The following SAMD3 variants were observed in gnomAD, a reference collection of about 807,000 sequenced individuals.
SAMD3 encodes sterile alpha motif domain containing 3, also known as sterile alpha motif domain-containing protein 3.
SAMD3 carries 63 observed loss-of-function variants against 58.5 expected under a neutral mutation model. The observed-to-expected ratio is 1.08, with a 90% CI of 0.88 to 1.33. The LOEUF (loss-of-function observed/expected upper bound fraction) is 1.33, where lower values mean the gene tolerates loss of function less well. Among genes scored for constraint, SAMD3 ranks in the 40% most tolerant of loss-of-function variants. The probability of loss-of-function intolerance (pLI) is 0.00; values close to 1 mark genes in which losing one functional copy is unlikely to be tolerated. For synonymous variants in SAMD3, 220 were observed against 210.3 expected (o/e 1.05, Z -0.40); for missense variants, 604 against 608.4 (o/e 0.99, Z 0.08).
At chr6:130,229,182 G>A (rs896881549) in intron 2 of SAMD3, among the ~76,000 whole-genome samples, 3 of 152,216 alleles carry the variant, frequency 2.0e-5, no homozygotes, top group South Asian at 2.1e-4. Context: ...CCAATTTCTC[G>A]TGCCCAAGCA....
At chr6:130,301,382 A>T (rs910036722) in intron 2 of SAMD3, among the ~76,000 whole-genome samples, 2 of 152,186 alleles carry the variant, frequency 1.3e-5, no homozygotes, top group African/African-American at 4.8e-5. Flanking sequence ...CAAGAAGGCG[A>T]AAGATCTTTA....
chr6:130,146,685 C>T (rs1012471390), intron 9 of SAMD3, among the ~76,000 whole-genome samples: 2 of 151,972 alleles, frequency 1.3e-5, no homozygotes, highest in Non-Finnish European at 1.5e-5. Flanking sequence ...CAGTGAAAAA[C>T]GATATATGGC....
intron 7 of SAMD3, among the ~76,000 whole-genome samples, chr6:130,182,551 G>A (rs1422587819): frequency 6.7e-6 from 1 of 150,136 alleles, no homozygotes; most frequent in East Asian, 2.0e-4. Flanking sequence ...AGGAAAGAAG[G>A]AAGGAAGGGA....
chr6:130,326,870 C>A (rs2115007783), intron 1 of SAMD3, among the ~76,000 whole-genome samples: 1 of 152,258 alleles, frequency 6.6e-6, no homozygotes, highest in South Asian at 2.1e-4. Context: ...ACAGGCACTA[C>A]CCTGGTGGAT....
At chr6:130,167,936 G>A (rs1421923761) in intron 8 of SAMD3, among the ~76,000 whole-genome samples, 5 of 152,210 alleles carry the variant, frequency 3.3e-5, no homozygotes, top group African/African-American at 1.2e-4. Context: ...GAGGAACTCA[G>A]GTATGTTGAC....
rs1488000963 is a variant in SAMD3 at position 130,215,230 on chromosome 6, T to C, written c.44A>G (p.Glu15Gly). 6.2e-7 allele frequency: 1 copy of C among 1,611,056 alleles called. No individual in the cohort carries two copies. Among genetic ancestry groups the C allele is most frequent in the South Asian group, 1.1e-5 (1 of 90,836 alleles). ...SVEQVCSWLVEKNLGELVHRF... is the reference protein window; with the variant it reads ...SVEQVCSWLVGKNLGELVHRF... ...ATGAACTAGCTCTCCTAAATTTTTC[T>C]CCACCAACCAACTGCAGACCTGCTC... Residue 15 changes from glutamate (E) to glycine (G), a missense_variant, in exon 3 of 12, where the codon GAG becomes GGG. Transcript: ENST00000439090.
At chr6:130,203,421 C>G (rs1260022060) in intron 5 of SAMD3, among the ~76,000 whole-genome samples, 6 of 152,158 alleles carry the variant, frequency 3.9e-5, no homozygotes, top group Non-Finnish European at 7.3e-5. Context: ...ATCCTCATCT[C>G]CAGACTTACC....
intron 9 of SAMD3, among the ~76,000 whole-genome samples, chr6:130,149,264 T>A (rs928651611): frequency 6.6e-6 from 1 of 152,198 alleles, no homozygotes. Flanking sequence ...CCAACACTTA[T>A]ACACTGCTAG....
intron 5 of SAMD3, among the ~76,000 whole-genome samples, chr6:130,189,396 T>A (rs2114730327): frequency 6.6e-6 from 1 of 152,326 alleles, no homozygotes; most frequent in South Asian, 2.1e-4. Context: ...TGCCTTGATC[T>A]CAGGCTTACG....
chr6:130,241,863 G>A (rs1215829263), intron 2 of SAMD3, among the ~76,000 whole-genome samples: 1 of 151,906 alleles, frequency 6.6e-6, no homozygotes. Context: ...GGAAAAAACA[G>A]CCACAGGTGT....
intron 2 of SAMD3, among the ~76,000 whole-genome samples, chr6:130,302,916 T>C (rs939815561): frequency 1.3e-5 from 2 of 152,130 alleles, no homozygotes; most frequent in African/African-American, 4.8e-5. Flanking sequence ...TACCAGAGGC[T>C]TTAAAATTTG....
chr6:130,329,052 C>CTT (rs951692381), intron 1 of SAMD3, among the ~76,000 whole-genome samples: 1 of 151,526 alleles, frequency 6.6e-6, no homozygotes, highest in African/African-American at 2.4e-5. Flanking sequence ...CCCTCTCTCT[C>CTT]TCTCTCTCTC....
At chr6:130,213,842 A>G (rs1290957797) in intron 4 of SAMD3, among the ~76,000 whole-genome samples, 2 of 152,216 alleles carry the variant, frequency 1.3e-5, no homozygotes, top group Admixed American at 6.5e-5. Context: ...AAAAAATTAG[A>G]ATACTCATGT....
chr6:130,231,493 G>A (rs2114879624), intron 2 of SAMD3, among the ~76,000 whole-genome samples: 1 of 152,296 alleles, frequency 6.6e-6, no homozygotes, highest in Non-Finnish European at 1.5e-5. Context: ...GAACCTGGGA[G>A]GCGGAGGTTG....
chr6:130,295,224 C>G (rs559276942), intron 2 of SAMD3, among the ~76,000 whole-genome samples: 1 of 152,108 alleles, frequency 6.6e-6, no homozygotes, highest in Non-Finnish European at 1.5e-5. Context: ...CGTCCAGCCT[C>G]TCTGATTATT....
chr6:130,259,637 C>G (rs1774046027), intron 2 of SAMD3, among the ~76,000 whole-genome samples: 1 of 152,052 alleles, frequency 6.6e-6, no homozygotes, highest in African/African-American at 2.4e-5. Context: ...GTCTCAGTAC[C>G]CGATTTAGAG....
chr6:130,145,387 C>G lies in SAMD3; in HGVS notation c.1231G>C (p.Asp411His). The G allele has an allele frequency of 4.3e-6, 7 of 1,611,732 alleles. No homozygotes were observed. The highest frequency in any genetic ancestry group is 5.9e-6 in the Non-Finnish European group (7 of 1,178,428). The change falls in exon 11 of 12, where the codon GAT becomes CAT. Residue 411 changes from aspartate to histidine, a missense_variant. Asp to His is a moderately conservative substitution (Grantham distance 81, BLOSUM62 -1). Coordinates refer to ENST00000439090, the MANE Select transcript of SAMD3 (RefSeq NM_001017373.4). ...AGGCTGGGATCATCCCCAAAAACAT[C>G]TGGGAGGAGTAAACATGTGGCTGTC... ...KMTATCLLLP[D>H]VFGDDPSLFV...
At chr6:130,177,736 C>T (rs1426810187) in intron 7 of SAMD3, among the ~76,000 whole-genome samples, 1 of 151,998 alleles carries the variant, frequency 6.6e-6, no homozygotes, top group Non-Finnish European at 1.5e-5. Flanking sequence ...CCCTCCTTCA[C>T]TTCCTTCCTT....
intron 2 of SAMD3, among the ~76,000 whole-genome samples, chr6:130,228,263 T>A (rs926393491): frequency 1.3e-5 from 2 of 152,256 alleles, no homozygotes; most frequent in Non-Finnish European, 2.9e-5. Context: ...AGAACTCGAT[T>A]GTTCTCTTTG....
Sources: gnomAD v4.1 joint callset for allele counts (sites outside exome capture counted in the v4.1 genomes callset) on GRCh38, gnomAD v4.1.1 for gene constraint, MANE v1.5 for transcripts, NCBI Gene and HGNC (gene_info 2026-07-23, HGNC 2026-07-21) for gene names.